PTPRD: variants seen among roughly 807,000 people sequenced by gnomAD.
PTPRD encodes protein tyrosine phosphatase receptor type D, also known as receptor-type tyrosine-protein phosphatase delta.
A neutral mutation model predicts 214.5 loss-of-function variants in PTPRD; 34 were observed. The ratio of observed to expected loss-of-function variants is 0.16; its 90% CI spans 0.12 to 0.21. The LOEUF (loss-of-function observed/expected upper bound fraction) is 0.21, where lower values mean the gene tolerates loss of function less well. Among genes scored for constraint, PTPRD ranks in the 10% least tolerant of loss-of-function variants. PTPRD has a pLI of 1.00. For synonymous variants in PTPRD, 1,128 were observed against 845.7 expected (o/e 1.33, Z -5.79); for missense variants, 2,545 against 2,398.7 (o/e 1.06, Z -1.27).
intron 8 of PTPRD, among the ~76,000 whole-genome samples, chr9:9,560,758 G>A (rs2082711327): frequency 6.6e-6 from 1 of 152,134 alleles, no homozygotes; most frequent in Non-Finnish European, 1.5e-5. Context: ...TTATTCAGCA[G>A]CAGCTCTCTT....
chr9:8,713,443 T>C (rs954835855), intron 12 of PTPRD: 2 of 1,092,612 alleles, frequency 1.8e-6, no homozygotes, highest in Admixed American at 1.7e-5. Flanking sequence ...GTCCCGCTTC[T>C]GGTACTTCGT....
At chr9:10,347,901 T>C (rs1048401656) in intron 2 of PTPRD, among the ~76,000 whole-genome samples, 3 of 151,798 alleles carry the variant, frequency 2.0e-5, no homozygotes, top group Non-Finnish European at 4.4e-5. Context: ...CTACTAAAAA[T>C]ACAAAAATTA....
chr9:10,463,461 T>C (rs1435513536), intron 2 of PTPRD, among the ~76,000 whole-genome samples: 1 of 152,104 alleles, frequency 6.6e-6, no homozygotes, highest in African/African-American at 2.4e-5. Context: ...CAAGAATAAG[T>C]TGTTTATTTC....
chr9:8,496,165 C>A (rs2097261675), intron 26 of PTPRD, among the ~76,000 whole-genome samples: 1 of 146,392 alleles, frequency 6.8e-6, no homozygotes, highest in African/African-American at 2.6e-5. Context: ...CCACCTCCAA[C>A]TCTCCAACAC....
intron 2 of PTPRD, among the ~76,000 whole-genome samples, chr9:10,454,070 A>G (rs141744705): frequency 6.6e-6 from 1 of 151,672 alleles, no homozygotes; most frequent in African/African-American, 2.4e-5. Flanking sequence ...AATGCCCTAT[A>G]ATAACGAAAG....
chr9:8,736,997 C>T (rs572749547), intron 11 of PTPRD, among the ~76,000 whole-genome samples: 10 of 152,290 alleles, frequency 6.6e-5, no homozygotes, highest in South Asian at 4.1e-4. Flanking sequence ...TCAGTCCTGT[C>T]GGACTCAATT....
intron 8 of PTPRD, among the ~76,000 whole-genome samples, chr9:9,421,903 C>A (rs1175398724): frequency 1.3e-5 from 2 of 150,634 alleles, no homozygotes; most frequent in African/African-American, 4.9e-5. Flanking sequence ...AAGTCTGATC[C>A]AGATTGATGG....
chr9:9,700,519 G>C (rs2097477354), intron 7 of PTPRD, among the ~76,000 whole-genome samples: 1 of 151,944 alleles, frequency 6.6e-6, no homozygotes, highest in South Asian at 2.1e-4. Flanking sequence ...AACATTATAT[G>C]TTTGTAGAGA....
chr9:8,643,049 C>T lies in PTPRD; in HGVS notation c.65-6205G>A, dbSNP rs146262367. Among the ~76,000 whole-genome samples, 49 of 152,236 alleles carry T rather than the reference C, an allele frequency of 3.2e-4. No individual in the cohort carries two copies. In the East Asian group the frequency reaches 8.5e-3, roughly 26 times the overall value. Reference sequence around the variant, plus strand: ...GTCACATGAAATTTGAACAGGGTCACCTGTTGACATCTGTGGTCAGGATAG... The same window carrying T: ...GTCACATGAAATTTGAACAGGGTCATCTGTTGACATCTGTGGTCAGGATAG... On this transcript the variant is annotated intron_variant, in intron 12 of 45. Transcript: ENST00000381196.
At chr9:9,498,317 G>A (rs895949661) in intron 8 of PTPRD, among the ~76,000 whole-genome samples, 8 of 152,082 alleles carry the variant, frequency 5.3e-5, no homozygotes, top group Admixed American at 5.2e-4. Context: ...ATGATGTATT[G>A]CACAAGTACA....
At chr9:9,424,917 T>C (rs1253169476) in intron 8 of PTPRD, among the ~76,000 whole-genome samples, 1 of 152,202 alleles carries the variant, frequency 6.6e-6, no homozygotes, top group East Asian at 1.9e-4. Flanking sequence ...CCTATATCAA[T>C]GCACCAATCA....
Position 9,399,228 on chromosome 9 carries a change from G to C in PTPRD, c.-236-1746C>G, listed in dbSNP as rs2141265827. Among the ~76,000 whole-genome samples the C allele has an allele frequency of 2.0e-5, 3 of 152,036 alleles. 1 individual carries two copies. In the South Asian group the frequency reaches 6.2e-4, roughly 32 times the overall value. ...AACAGAAGTAAAAACTTTAGCATAA[G>C]TATTTAAAATAAAAGCACTGGTTTC... On this transcript the variant is annotated intron_variant, in intron 8 of 45. Coordinates refer to ENST00000381196, the MANE Select transcript of PTPRD (RefSeq NM_002839.4).
intron 11 of PTPRD, among the ~76,000 whole-genome samples, chr9:8,841,688 ATACT>A (rs77072914): frequency 0.17 from 22,777 of 133,762 alleles, 1,832 homozygotes; most frequent in East Asian, 0.3. Context: ...CTGGAGGTAC[ATACT>A]TAGAGTCTCA....
At chr9:9,962,205 G>C (rs111579387) in intron 4 of PTPRD, among the ~76,000 whole-genome samples, 24 of 151,980 alleles carry the variant, frequency 1.6e-4, no homozygotes, top group African/African-American at 5.6e-4. Flanking sequence ...ATCAAAATAC[G>C]TCAGGAATTT....
intron 2 of PTPRD, among the ~76,000 whole-genome samples, chr9:10,364,044 G>C (rs148486745): frequency 0.029 from 3,290 of 114,864 alleles, 141 homozygotes; most frequent in African/African-American, 0.11. Context: ...CTGTTGCCCA[G>C]GCTGGAGTGC....
intron 4 of PTPRD, among the ~76,000 whole-genome samples, chr9:9,972,212 T>C (rs546900520): frequency 6.6e-6 from 1 of 152,298 alleles, no homozygotes; most frequent in African/African-American, 2.4e-5. Flanking sequence ...ACATTTCTAG[T>C]AGTGTTCTTT....
At chr9:8,381,910 G>A (rs891132922) in intron 37 of PTPRD, among the ~76,000 whole-genome samples, 1 of 152,170 alleles carries the variant, frequency 6.6e-6, no homozygotes, top group Non-Finnish European at 1.5e-5. Flanking sequence ...AGAACTGTGT[G>A]AGGTGCCTCT....
intron 44 of PTPRD, among the ~76,000 whole-genome samples, chr9:8,321,455 T>G (rs1827403823): frequency 7.9e-6 from 1 of 126,356 alleles, no homozygotes; most frequent in African/African-American, 3.1e-5. Flanking sequence ...TATATAGAAG[T>G]CTTCTTTGTG....
intron 14 of PTPRD, among the ~76,000 whole-genome samples, chr9:8,535,636 T>C (rs1055055353): frequency 6.6e-6 from 1 of 151,920 alleles, no homozygotes; most frequent in Non-Finnish European, 1.5e-5. Flanking sequence ...TTCCTCATCT[T>C]GGGGAGTAGG....
Sources: gnomAD v4.1 joint callset for allele counts (sites outside exome capture counted in the v4.1 genomes callset) on GRCh38, gnomAD v4.1.1 for gene constraint, MANE v1.5 for transcripts, NCBI Gene and HGNC (gene_info 2026-07-23, HGNC 2026-07-21) for gene names.